The following SOHLH2 variants were observed in gnomAD, a reference collection of about 807,000 sequenced individuals.
SOHLH2 encodes the protein spermatogenesis and oogenesis specific basic helix-loop-helix 2, also known as spermatogenesis- and oogenesis-specific basic helix-loop-helix-containing protein 2.
SOHLH2 carries 22 observed loss-of-function variants against 50.4 expected under a neutral mutation model. The observed-to-expected ratio is 0.44, with a 90% CI of 0.31 to 0.62. The LOEUF is 0.62. SOHLH2 is among the 20% of genes least tolerant of loss of function. The pLI, the probability that SOHLH2 is intolerant of heterozygous loss-of-function variation, is 0.08. For synonymous variants in SOHLH2, 185 were observed against 187.3 expected (o/e 0.99, Z 0.10); for missense variants, 412 against 504.4 (o/e 0.82, Z 1.76).
At chr13:36,214,445 A>G in intron 1 of SOHLH2, 34 bp downstream of exon 1, 3 of 1,606,680 alleles carry the variant, frequency 1.9e-6, no homozygotes, top group Non-Finnish European at 2.5e-6. Context: ...GCGAGGTTAT[A>G]AACGCAGCTG....
intron 7 of SOHLH2, 63 bp downstream of exon 7, chr13:36,174,659 G>C: frequency 6.3e-7 from 1 of 1,596,924 alleles, no homozygotes; most frequent in Middle Eastern, 1.7e-4. Context: ...ATTAAAAGAA[G>C]TAAAATTGTA....
intron 2 of SOHLH2, 40 bp from the exon 3 acceptor site, chr13:36,193,907 T>A (rs1303230110): frequency 6.4e-7 from 1 of 1,571,280 alleles, no homozygotes; most frequent in Non-Finnish European, 8.6e-7. Flanking sequence ...AGCAAAATCA[T>A]TATTCAAAAA....
chr13:36,193,995 C>G (rs1486466964), intron 2 of SOHLH2, 128 bp from the exon 3 acceptor site: 1 of 781,244 alleles, frequency 1.3e-6, no homozygotes, highest in Non-Finnish European at 1.9e-6. Flanking sequence ...AAAATAATAT[C>G]ATTAATATGG....
chr13:36,206,546 T>C (rs1010641659), intron 1 of SOHLH2, among the ~76,000 whole-genome samples: 1 of 152,062 alleles, frequency 6.6e-6, no homozygotes, highest in Non-Finnish European at 1.5e-5. Context: ...CAACAATGAA[T>C]GTGTCCTGCA....
At chr13:36,198,688 A>G (rs1369278656) in intron 2 of SOHLH2, among the ~76,000 whole-genome samples, 1 of 152,248 alleles carries the variant, frequency 6.6e-6, no homozygotes, top group Non-Finnish European at 1.5e-5. Context: ...TAGTTTTGTA[A>G]GATTAAATTT....
intron 8 of SOHLH2, 21 bp from the exon 9 acceptor site, chr13:36,173,831 T>C: frequency 6.2e-7 from 1 of 1,613,404 alleles, no homozygotes; most frequent in Non-Finnish European, 8.5e-7. Flanking sequence ...CAGAAAAAAT[T>C]ATTTGCACAT....
Position 36,168,824 on chromosome 13 carries a change from G to C in SOHLH2, c.*210C>G. The C allele has an allele frequency of 1.4e-6, 1 of 710,290 alleles. No homozygotes were observed. Among genetic ancestry groups the C allele is most frequent in the Non-Finnish European group, 2.1e-6 (1 of 474,922 alleles). 44.0% of individuals were successfully genotyped at this position (710,290 alleles called of 1,614,324 possible). A position where few individuals can be genotyped will look rare whatever the true frequency, so the allele number is the denominator to read the frequency against. On this transcript the variant is annotated 3_prime_UTR_variant, in exon 11 of 11. Coordinates refer to ENST00000379881, the MANE Select transcript of SOHLH2 (RefSeq NM_017826.3). Reference sequence around the variant, plus strand: ...TGGCGGGGATCCAAGTGTGTATGAAGATGAGTGACAGTGTGTGGCCAGCTT... The same window carrying C: ...TGGCGGGGATCCAAGTGTGTATGAACATGAGTGACAGTGTGTGGCCAGCTT...
intron 1 of SOHLH2, among the ~76,000 whole-genome samples, chr13:36,213,759 CCACA>C (rs927593783): frequency 1.8e-4 from 28 of 152,242 alleles, no homozygotes; most frequent in African/African-American, 5.8e-4. Flanking sequence ...GGCTTTGGTT[CCACA>C]CAAAGTTGCC....
chr13:36,208,098 C>T lies in SOHLH2; in HGVS notation c.49-6005G>A, dbSNP rs577932061. ...GGAATATCAAACAATTGTGGATGTACGTTAAAACCATCACAGTAATTAATA... is the reference window on the plus strand; with the variant it reads ...GGAATATCAAACAATTGTGGATGTATGTTAAAACCATCACAGTAATTAATA... On this transcript the variant is annotated intron_variant, in intron 1 of 10. Transcript: ENST00000379881. Among the ~76,000 whole-genome samples the T allele has an allele frequency of 9.2e-5, 14 of 152,244 alleles. No homozygotes were observed. In the South Asian group the frequency reaches 1.7e-3, roughly 18 times the overall value.
chr13:36,191,670 T>C (rs779835754), intron 5 of SOHLH2, 125 bp downstream of exon 5: 18 of 1,062,670 alleles, frequency 1.7e-5, no homozygotes, highest in Admixed American at 2.4e-5. Flanking sequence ...TTCTGTAATG[T>C]GTACCCACAG....
At chr13:36,203,954 G>GTTTTTTTTTTTTTTTTTTTTTTTTT (rs3080977) in intron 1 of SOHLH2, among the ~76,000 whole-genome samples, 1 of 111,128 alleles carries the variant, frequency 9.0e-6, no homozygotes, top group Non-Finnish European at 1.8e-5. Flanking sequence ...CTTTTTTTTT[G>GTTTTTTTTTTTTTTTTTTTTTTTTT]TTTTTTTTTT....
intron 1 of SOHLH2, among the ~76,000 whole-genome samples, chr13:36,206,622 G>A (rs1185294504): frequency 4.0e-5 from 6 of 151,560 alleles, no homozygotes; most frequent in African/African-American, 9.7e-5. Flanking sequence ...TTTGTTAATC[G>A]TCCATGGGTA....
At position 36,187,616 on chromosome 13, in the gene SOHLH2, C is replaced by T. The variant is rs1019495456; in HGVS notation, c.641+2330G>A. Reference sequence around the variant, plus strand: ...AAGCCCAAACCCCATCATCTTCCCACTAATCTTCAGCAGATGGAGGGGGAC... The same window carrying T: ...AAGCCCAAACCCCATCATCTTCCCATTAATCTTCAGCAGATGGAGGGGGAC... On this transcript the variant is annotated intron_variant, in intron 6 of 10. Transcript: ENST00000379881. Among the ~76,000 whole-genome samples, 3 of 152,286 alleles carry T rather than the reference C, an allele frequency of 2.0e-5. No individual in the cohort carries two copies. The East Asian group carries it at 5.8e-4, about 30-fold the overall frequency.
chr13:36,198,641 T>A (rs555333192), intron 2 of SOHLH2, among the ~76,000 whole-genome samples: 3 of 152,326 alleles, frequency 2.0e-5, no homozygotes, highest in African/African-American at 7.2e-5. Flanking sequence ...TTATGCATGA[T>A]TAAAGTCAGT....
At chr13:36,199,299 G>A (rs1242774865) in intron 2 of SOHLH2, among the ~76,000 whole-genome samples, 2 of 125,466 alleles carry the variant, frequency 1.6e-5, no homozygotes, top group Non-Finnish European at 3.4e-5. Flanking sequence ...TGAAAGCAAA[G>A]CTTACACACC....
At position 36,184,460 on chromosome 13, in the gene SOHLH2, C is replaced by CT. The variant is rs1229884029; in HGVS notation, c.641+5485dup. Among the ~76,000 whole-genome samples the CT allele has an allele frequency of 1.1e-3, 136 of 121,156 alleles. 8 individuals carry two copies. Among genetic ancestry groups the CT allele is most frequent in the African/African-American group, 1.9e-3 (61 of 32,346 alleles). 79.5% of individuals were successfully genotyped at this position (121,156 alleles called of 152,430 possible). A position where few individuals can be genotyped will look rare whatever the true frequency, so the allele number is the denominator to read the frequency against. ...GATGGAAGTTTCTACCTACAAAGAC[C>CT]TTTTTTTTTTTTTTTTTTTGAGACG... is the stretch of plus-strand genomic sequence containing the variant. On this transcript the variant is annotated intron_variant, in intron 6 of 10. Coordinates refer to ENST00000379881, the MANE Select transcript of SOHLH2 (RefSeq NM_017826.3).
intron 2 of SOHLH2, among the ~76,000 whole-genome samples, chr13:36,200,666 A>T (rs535350197): frequency 1.3e-5 from 2 of 152,318 alleles, no homozygotes; most frequent in African/African-American, 2.4e-5. Context: ...GCTCTGATCT[A>T]ACCCTATCTA....
At chr13:36,193,293 G>A (rs1887628428) in intron 4 of SOHLH2, among the ~76,000 whole-genome samples, 1 of 152,112 alleles carries the variant, frequency 6.6e-6, no homozygotes, top group South Asian at 2.1e-4. Context: ...AGGGCCCCTG[G>A]CTTTTAGATA....
At chr13:36,212,513 A>G (rs1208259516) in intron 1 of SOHLH2, among the ~76,000 whole-genome samples, 1 of 152,264 alleles carries the variant, frequency 6.6e-6, no homozygotes, top group Non-Finnish European at 1.5e-5. Context: ...CTATTGACAA[A>G]AAGAAAAAGG....
Sources: gnomAD v4.1 joint callset for allele counts (sites outside exome capture counted in the v4.1 genomes callset) on GRCh38, gnomAD v4.1.1 for gene constraint, MANE v1.5 for transcripts, NCBI Gene and HGNC (gene_info 2026-07-23, HGNC 2026-07-21) for gene names.